The following RNF125 variants were observed in gnomAD, a reference collection of about 807,000 sequenced individuals.
RNF125 encodes the protein ring finger protein 125.
Under a neutral mutation model 26.0 loss-of-function variants are expected in RNF125, and 21 were observed. That is an observed-to-expected ratio of 0.81 (90% CI 0.57 to 1.16). The LOEUF (loss-of-function observed/expected upper bound fraction) is 1.16. RNF125 is among the 50% of genes most tolerant of loss of function. The pLI, the probability that RNF125 is intolerant of heterozygous loss-of-function variation, is 0.00. For synonymous variants in RNF125, 95 were observed against 109.2 expected, an observed-to-expected ratio of 0.87 and a Z score of 0.81; for missense variants, 270 against 299.4, an observed-to-expected ratio of 0.90 and a Z score of 0.72.
At chr18:32,049,392 C>T (rs1456555034) in intron 4 of RNF125, among the ~76,000 whole-genome samples, 1 of 152,136 alleles carries the variant, frequency 6.6e-6, no homozygotes, top group Non-Finnish European at 1.5e-5. Flanking sequence ...GCCTTTTTCA[C>T]AAGTAGTAAA....
chr18:32,050,485 T>C (rs1359712184), intron 4 of RNF125, among the ~76,000 whole-genome samples: 1 of 152,100 alleles, frequency 6.6e-6, no homozygotes, highest in East Asian at 1.9e-4. Flanking sequence ...AACTGGATAA[T>C]TCTTTAATTA....
chr18:32,031,531 C>CA (rs2039096439), intron 1 of RNF125, among the ~76,000 whole-genome samples: 1 of 94,094 alleles, frequency 1.1e-5, no homozygotes, highest in Non-Finnish European at 2.3e-5. Context: ...TGCTAGTTGA[C>CA]AAAAAAACAA....
At chr18:32,022,110 T>C (rs2038991923) in intron 1 of RNF125, among the ~76,000 whole-genome samples, 1 of 152,232 alleles carries the variant, frequency 6.6e-6, no homozygotes, top group Non-Finnish European at 1.5e-5. Context: ...TGAAATTAAG[T>C]TGGAAAACGA....
rs1220918285 is a variant in RNF125, at chr18:32,065,891, T to C, written c.505-11T>C. The stretch of plus-strand genomic sequence containing the variant: ...ATTCTTTCTTGAACCCCTGGTCTTG[T>C]TTGTTTCCAGTTCTGTCCACTTTGC... On this transcript the variant is annotated splice_polypyrimidine_tract_variant and intron_variant, in intron 4 of 5. Coordinates refer to ENST00000217740, the MANE Select transcript of RNF125 (RefSeq NM_017831.4). 6.3e-7 allele frequency: 1 copy of C among 1,577,648 alleles called. No homozygotes were observed. Among genetic ancestry groups the C allele is most frequent in the Non-Finnish European group, 8.7e-7 (1 of 1,148,920 alleles).
chr18:32,029,279 GA>G (rs2039069346), intron 1 of RNF125, among the ~76,000 whole-genome samples: 1 of 152,012 alleles, frequency 6.6e-6, no homozygotes, highest in African/African-American at 2.4e-5. Context: ...TCTTCTATTA[GA>G]AAGCTGGGGT....
the RNF125 span, among the ~76,000 whole-genome samples, chr18:32,088,862 T>G: frequency 6.6e-6 from 1 of 152,198 alleles, no homozygotes; most frequent in Middle Eastern, 3.4e-3. Context: ...GTCCATTCCT[T>G]CTAATCCAAG....
rs200392437 is a variant in RNF125, at chr18:32,037,149, G to C, written c.198G>C (p.Lys66Asn). 6.2e-7 allele frequency: 1 copy of C among 1,606,264 alleles called. No homozygotes were observed. The highest frequency in any genetic ancestry group is 1.7e-5 in the Admixed American group (1 of 57,846). The change falls in exon 2 of 6, where the codon AAG (lysine) becomes AAC (asparagine). Residue 66 changes from lysine to asparagine, a missense_variant. By Grantham distance (94) the Lys-to-Asn change is moderately conservative. Transcript: ENST00000217740. ...FCRSCIATSL[K>N]NNKWTCPYCR... Reference sequence around the variant, plus strand: ...GTTCCTGTATTGCTACCAGTCTAAAGAACAACAAGTGGACCTGTCCTTATT... The same window carrying C: ...GTTCCTGTATTGCTACCAGTCTAAACAACAACAAGTGGACCTGTCCTTATT...
At chr18:32,029,264 C>T (rs566745391) in intron 1 of RNF125, among the ~76,000 whole-genome samples, 1 of 152,098 alleles carries the variant, frequency 6.6e-6, no homozygotes, top group East Asian at 1.9e-4. Context: ...CTCACTTCTG[C>T]CTTATCTTCT....
intron 3 of RNF125, among the ~76,000 whole-genome samples, 184 bp downstream of exon 3, chr18:32,042,457 CTACT>C (rs2039230863): frequency 6.6e-6 from 1 of 152,166 alleles, no homozygotes; most frequent in South Asian, 2.1e-4. Context: ...TTTGCACTGT[CTACT>C]TTAAAAATTT....
chr18:32,028,980 C>T (rs753923499), intron 1 of RNF125, among the ~76,000 whole-genome samples: 19 of 152,112 alleles, frequency 1.2e-4, no homozygotes, highest in Non-Finnish European at 2.1e-4. Context: ...AGGCTCAAAA[C>T]ATGGTTTCTC....
chr18:32,020,809 T>A (rs2038979531), intron 1 of RNF125, among the ~76,000 whole-genome samples: 1 of 150,874 alleles, frequency 6.6e-6, no homozygotes, highest in Non-Finnish European at 1.5e-5. Context: ...CCTGGGAGGC[T>A]GAGGCAGGAG....
intron 5 of RNF125, 60 bp from the exon 6 acceptor site, chr18:32,068,238 C>A: frequency 1.1e-6 from 1 of 917,038 alleles, no homozygotes; most frequent in Non-Finnish European, 1.8e-6. Context: ...TGACCCTCAT[C>A]CTCTAGTTTC....
At chr18:32,037,060 G>A in intron 1 of RNF125, 56 bp from the exon 2 acceptor site, 1 of 1,474,456 alleles carries the variant, frequency 6.8e-7, no homozygotes, top group Non-Finnish European at 9.2e-7. Flanking sequence ...AATACATGGT[G>A]GTGGCTCCTT....
At chr18:32,063,047 C>G (rs1044589337) in intron 4 of RNF125, among the ~76,000 whole-genome samples, 12 of 151,890 alleles carry the variant, frequency 7.9e-5, no homozygotes, top group African/African-American at 2.4e-4. Context: ...TGGTGAAACC[C>G]TGTCTTTACT....
At chr18:32,021,007 C>T (rs1263705833) in intron 1 of RNF125, among the ~76,000 whole-genome samples, 1 of 152,206 alleles carries the variant, frequency 6.6e-6, no homozygotes, top group Non-Finnish European at 1.5e-5. Context: ...TACTGCCCGT[C>T]TGTGAGCCAG....
At position 32,042,291 on chromosome 18, in the gene RNF125, A is replaced by G. The variant is rs747857110; in HGVS notation, c.413+18A>G. On this transcript the variant is annotated intron_variant, in intron 3 of 5. Coordinates refer to ENST00000217740, the MANE Select transcript of RNF125 (RefSeq NM_017831.4). The stretch of plus-strand genomic sequence containing the variant: ...GCAGCAAGGTTTGTTTCAATACAAT[A>G]TAGTTTAATGCTAAAATTGATAATG... The G allele has an allele frequency of 2.1e-6, 3 of 1,456,564 alleles. No individual in the cohort carries two copies. Among genetic ancestry groups the G allele is most frequent in the East Asian group, 2.3e-5 (1 of 43,886 alleles). The allele number at this position is 1,456,564 out of a possible 1,614,324, so 90.2% of individuals were successfully genotyped here.
Position 32,040,453 on chromosome 18 carries a change from G to A in RNF125, c.319-1726G>A, listed in dbSNP as rs533430866. ...CACCCGGCTAATTTTTGTATCTTTAGTAGAGAGGGGGTTTCCATATTGGTC... is the reference window on the plus strand; with the variant it reads ...CACCCGGCTAATTTTTGTATCTTTAATAGAGAGGGGGTTTCCATATTGGTC... On this transcript the variant is annotated intron_variant, in intron 2 of 5. Transcript: ENST00000217740. 7.2e-5 allele frequency among the ~76,000 whole-genome samples: 11 copies of A among 151,802 alleles called. No homozygotes were observed. The South Asian group carries it at 2.3e-3, about 32-fold the overall frequency.
At chr18:32,090,198 A>G in the RNF125 span, among the ~76,000 whole-genome samples, 3 of 152,216 alleles carry the variant, frequency 2.0e-5, no homozygotes, top group African/African-American at 7.2e-5. Context: ...GTGAGCTGAG[A>G]TCATTCCACT....
chr18:32,052,621 C>T (rs1456857082), intron 4 of RNF125, among the ~76,000 whole-genome samples: 3 of 152,108 alleles, frequency 2.0e-5, no homozygotes, highest in Non-Finnish European at 4.4e-5. Flanking sequence ...CCTTTAATTA[C>T]CTCCTCAAAT....
Sources: allele counts gnomAD v4.1 joint callset (sites outside exome capture counted in the v4.1 genomes callset), GRCh38; gene constraint gnomAD v4.1.1; transcripts MANE v1.5; gene names NCBI Gene and HGNC (gene_info 2026-07-23, HGNC 2026-07-21).